DLGAP1: variants seen among roughly 807,000 people sequenced by gnomAD.
The protein encoded by DLGAP1 is disks large-associated protein 1.
A neutral mutation model predicts 90.8 loss-of-function variants in DLGAP1; 11 were observed. The ratio of observed to expected loss-of-function variants is 0.12; its 90% CI spans 0.08 to 0.20. DLGAP1 has a LOEUF of 0.20. DLGAP1 is among the 10% of genes least tolerant of loss of function. The pLI is 1.00. For missense variants in DLGAP1, 1,050 were observed against 1,333.8 expected (o/e 0.79, Z 3.31); for synonymous variants, 558 against 540.7 (o/e 1.03, Z -0.44).
At chr18:4,276,793 A>G (rs1338404296) in intron 1 of DLGAP1, among the ~76,000 whole-genome samples, 1 of 152,200 alleles carries the variant, frequency 6.6e-6, no homozygotes, top group East Asian at 1.9e-4. Context: ...GGTACTCTAA[A>G]TTTTGTGTGA....
At chr18:3,549,552 C>T (rs1270738817) in intron 9 of DLGAP1, among the ~76,000 whole-genome samples, 6 of 152,142 alleles carry the variant, frequency 3.9e-5, no homozygotes, top group Non-Finnish European at 5.9e-5. Flanking sequence ...AGGCTGATCT[C>T]GAAATCCTGA....
chr18:3,626,594 T>TAAA (rs1555606655), intron 7 of DLGAP1, among the ~76,000 whole-genome samples: 9 of 130,560 alleles, frequency 6.9e-5, no homozygotes, highest in African/African-American at 2.5e-4. Context: ...AAGAACCTGT[T>TAAA]AAAAAAAAAA....
At chr18:3,525,394 G>T (rs1222857186) in intron 10 of DLGAP1, among the ~76,000 whole-genome samples, 2 of 152,024 alleles carry the variant, frequency 1.3e-5, no homozygotes, top group African/African-American at 4.8e-5. Flanking sequence ...TGCATTTATT[G>T]CATTTATTTT....
intron 1 of DLGAP1, among the ~76,000 whole-genome samples, chr18:4,313,678 CA>C (rs1297977941): frequency 6.6e-6 from 1 of 152,154 alleles, no homozygotes; most frequent in African/African-American, 2.4e-5. Context: ...TTCCCCTGGA[CA>C]TCCTCTGAAC....
intron 8 of DLGAP1, chr18:3,580,037 C>A: frequency 1.5e-6 from 1 of 647,188 alleles, no homozygotes; most frequent in Non-Finnish European, 2.7e-6. Flanking sequence ...TAGAAATGTG[C>A]GTTAGGAATT....
At chr18:4,015,657 C>G (rs1297457214) in intron 2 of DLGAP1, among the ~76,000 whole-genome samples, 11 of 152,162 alleles carry the variant, frequency 7.2e-5, no homozygotes, top group Admixed American at 6.5e-4. Context: ...GAAAAAATGT[C>G]CTTGTCAGAC....
chr18:4,401,987 C>G (rs898167306), intron 1 of DLGAP1, among the ~76,000 whole-genome samples: 5 of 152,186 alleles, frequency 3.3e-5, no homozygotes, highest in African/African-American at 1.2e-4. Context: ...TTTTAACAAG[C>G]ACCTAGGTGA....
intron 2 of DLGAP1, among the ~76,000 whole-genome samples, chr18:4,073,322 T>C (rs1227402024): frequency 1.3e-5 from 2 of 152,124 alleles, no homozygotes; most frequent in Non-Finnish European, 2.9e-5. Flanking sequence ...GGTAAAAATC[T>C]ACGCAAGCCC....
chr18:4,252,468 G>A (rs1406939062), intron 1 of DLGAP1, among the ~76,000 whole-genome samples: 1 of 151,954 alleles, frequency 6.6e-6, no homozygotes, highest in Admixed American at 6.6e-5. Context: ...TGCATAAATT[G>A]GAAAGAAAGT....
At chr18:3,734,130 T>C (rs78634762) in intron 6 of DLGAP1, among the ~76,000 whole-genome samples, 3,000 of 152,312 alleles carry the variant, frequency 0.02, 87 homozygotes, top group African/African-American at 0.06. Context: ...TCTTACTTGT[T>C]CTGTTCCTTT....
At chr18:4,099,312 TATCTATC>T (rs2075737485) in intron 2 of DLGAP1, among the ~76,000 whole-genome samples, 1 of 131,646 alleles carries the variant, frequency 7.6e-6, no homozygotes, top group Non-Finnish European at 1.6e-5. Context: ...TCTATCTATC[TATCTATC>T]TATCTATCTA....
chr18:3,990,693 G>C (rs912295383), intron 3 of DLGAP1, among the ~76,000 whole-genome samples: 10 of 149,834 alleles, frequency 6.7e-5, no homozygotes, highest in Admixed American at 4.0e-4. Context: ...TTGAGTTTTG[G>C]TTGAGTATTA....
intron 1 of DLGAP1, among the ~76,000 whole-genome samples, chr18:4,306,975 T>A (rs1178788598): frequency 2.6e-5 from 4 of 152,216 alleles, no homozygotes; most frequent in Admixed American, 2.6e-4. Flanking sequence ...ATTTTAACTT[T>A]AAAAGGCATA....
intron 2 of DLGAP1, among the ~76,000 whole-genome samples, chr18:4,039,616 T>C (rs984385086): frequency 2.0e-5 from 3 of 152,208 alleles, no homozygotes; most frequent in Non-Finnish European, 2.9e-5. Flanking sequence ...AATGTGGTCC[T>C]GCAAGGTATG....
intron 10 of DLGAP1, among the ~76,000 whole-genome samples, chr18:3,523,203 TCTCTA>T (rs960805871): frequency 6.6e-6 from 1 of 151,624 alleles, no homozygotes; most frequent in Non-Finnish European, 1.5e-5. Context: ...TGAAACTCCG[TCTCTA>T]CTAAAAAATA....
intron 1 of DLGAP1, among the ~76,000 whole-genome samples, chr18:4,345,835 A>G (rs1269729681): frequency 1.3e-5 from 2 of 152,252 alleles, no homozygotes; most frequent in Non-Finnish European, 2.9e-5. Flanking sequence ...ATTTCAGATC[A>G]GGTCACGACA....
intron 9 of DLGAP1, among the ~76,000 whole-genome samples, chr18:3,563,255 G>A (rs2054246148): frequency 1.3e-5 from 2 of 152,080 alleles, no homozygotes; most frequent in Admixed American, 1.3e-4. Flanking sequence ...GTTTGTGTTT[G>A]TTTGTTTTGG....
At chr18:4,408,451 C>A (rs2082710392) in intron 1 of DLGAP1, among the ~76,000 whole-genome samples, 1 of 151,680 alleles carries the variant, frequency 6.6e-6, no homozygotes. Flanking sequence ...AAACCAGAAA[C>A]CATAAATGAT....
chr18:4,028,240 G>A (rs753429168), intron 2 of DLGAP1, among the ~76,000 whole-genome samples: 4 of 152,160 alleles, frequency 2.6e-5, no homozygotes, highest in Non-Finnish European at 5.9e-5. Context: ...CTGTCTCTCT[G>A]TATTTACATA....
Sources: gnomAD v4.1 joint callset for allele counts (sites outside exome capture counted in the v4.1 genomes callset) on GRCh38, gnomAD v4.1.1 for gene constraint, MANE v1.5 for transcripts, NCBI Gene and HGNC (gene_info 2026-07-23, HGNC 2026-07-21) for gene names.